NPSR1: variants seen among roughly 807,000 people sequenced by gnomAD.
The protein encoded by NPSR1 is neuropeptide S receptor.
In NPSR1, 48 loss-of-function variants were observed where a neutral mutation model predicts 46.9. The observed-to-expected ratio is 1.02, with a 90% CI of 0.81 to 1.30. NPSR1 has a LOEUF of 1.30. NPSR1 is among the 50% of genes most tolerant of loss of function. NPSR1 has a pLI of 0.00. For synonymous variants in NPSR1, 176 were observed against 168.1 expected (o/e 1.05, Z -0.36); for missense variants, 450 against 449.5 (o/e 1.00, Z -0.01).
chr7:34,845,438 G>T, intron 7 of NPSR1: 1 of 375,720 alleles, frequency 2.7e-6, no homozygotes, highest in Non-Finnish European at 5.2e-6. Flanking sequence ...CCTGTCTTCT[G>T]CCCTTTCCTT....
At chr7:34,681,292 G>A (rs1792620713) in intron 1 of NPSR1, among the ~76,000 whole-genome samples, 1 of 152,200 alleles carries the variant, frequency 6.6e-6, no homozygotes, top group African/African-American at 2.4e-5. Flanking sequence ...AGGGGCCATA[G>A]AAGATTGATG....
chr7:34,662,180 C>T (rs1377189235), intron 1 of NPSR1, among the ~76,000 whole-genome samples: 1 of 152,128 alleles, frequency 6.6e-6, no homozygotes, highest in Non-Finnish European at 1.5e-5. Flanking sequence ...TGCTAAATAT[C>T]ACCTAATAAC....
At chr7:34,819,795 A>G (rs935935162) in intron 4 of NPSR1, among the ~76,000 whole-genome samples, 4 of 152,208 alleles carry the variant, frequency 2.6e-5, no homozygotes, top group East Asian at 1.9e-4. Flanking sequence ...GCTAGAAACC[A>G]TCATTCTCAG....
intron 3 of NPSR1, among the ~76,000 whole-genome samples, chr7:34,790,318 A>G (rs968385353): frequency 1.3e-5 from 2 of 152,156 alleles, no homozygotes; most frequent in Non-Finnish European, 2.9e-5. Context: ...ACAAAATTCA[A>G]TATCTTTTTG....
chr7:34,827,971 A>G (rs1789941507), intron 5 of NPSR1, among the ~76,000 whole-genome samples: 1 of 152,250 alleles, frequency 6.6e-6, no homozygotes, highest in Non-Finnish European at 1.5e-5. Flanking sequence ...ATTGATATCC[A>G]GGTTTTTCTG....
At chr7:34,773,428 T>C (rs1413776882) in intron 2 of NPSR1, among the ~76,000 whole-genome samples, 2 of 152,116 alleles carry the variant, frequency 1.3e-5, no homozygotes, top group African/African-American at 4.8e-5. Context: ...GGATTTCCAT[T>C]CTTGTTTGGT....
chr7:34,679,641 A>C (rs1295224126), intron 1 of NPSR1, among the ~76,000 whole-genome samples: 1 of 152,164 alleles, frequency 6.6e-6, no homozygotes, highest in Non-Finnish European at 1.5e-5. Flanking sequence ...CGTTTCACTT[A>C]AAGTCACAGT....
At chr7:34,835,046 G>C (rs944321306) in intron 6 of NPSR1, among the ~76,000 whole-genome samples, 3 of 152,178 alleles carry the variant, frequency 2.0e-5, no homozygotes, top group Admixed American at 6.5e-5. Context: ...GTATGCAATA[G>C]ACTCTGAGCC....
chr7:34,682,558 T>C (rs1357539775), intron 1 of NPSR1, among the ~76,000 whole-genome samples: 3 of 152,174 alleles, frequency 2.0e-5, no homozygotes, highest in Non-Finnish European at 4.4e-5. Context: ...CAGTGTTTTT[T>C]AAGAGAGGTC....
chr7:34,743,379 T>A (rs1282070807), intron 2 of NPSR1, among the ~76,000 whole-genome samples: 5 of 152,166 alleles, frequency 3.3e-5, no homozygotes, highest in Non-Finnish European at 7.3e-5. Flanking sequence ...TTGCCAGTTA[T>A]CTCAGCACTA....
chr7:34,779,780 C>A (rs994404840), intron 3 of NPSR1: 1 of 276,376 alleles, frequency 3.6e-6, no homozygotes, highest in African/African-American at 2.2e-5. Flanking sequence ...CAATCAATTG[C>A]TGATACACAA....
At chr7:34,673,240 C>T (rs1792145891) in intron 1 of NPSR1, among the ~76,000 whole-genome samples, 3 of 152,134 alleles carry the variant, frequency 2.0e-5, no homozygotes, top group South Asian at 2.1e-4. Context: ...TACCTGCCTC[C>T]ACCATCAGAC....
chr7:34,849,772 G>A lies in NPSR1; in HGVS notation c.*117G>A. 6.5e-7 allele frequency: 1 copy of A among 1,529,048 alleles called. No individual in the cohort carries two copies. Among genetic ancestry groups the A allele is most frequent in the Non-Finnish European group, 8.8e-7 (1 of 1,140,664 alleles). 94.7% of individuals were successfully genotyped at this position (1,529,048 alleles called of 1,614,324 possible). A position where few individuals can be genotyped will look rare whatever the true frequency, so the allele number is the denominator to read the frequency against. On this transcript the variant is annotated 3_prime_UTR_variant, in exon 9 of 9. Transcript: ENST00000360581. ...CTTCACCCCACCCTCGTCATTACCT[G>A]GGAGATGCACAAGACAAATGTTCTA...
intron 2 of NPSR1, among the ~76,000 whole-genome samples, chr7:34,692,751 A>C (rs190160440): frequency 2.6e-5 from 4 of 152,328 alleles, no homozygotes; most frequent in Non-Finnish European, 5.9e-5. Context: ...AAGATACAAA[A>C]AGTCAACAAA....
chr7:34,714,761 C>A (rs1000344391), intron 2 of NPSR1, among the ~76,000 whole-genome samples: 5 of 152,188 alleles, frequency 3.3e-5, no homozygotes, highest in Non-Finnish European at 7.3e-5. Flanking sequence ...AGGGTCAGGG[C>A]TAGGTGGGTA....
chr7:34,842,390 G>A (rs1481101478), intron 6 of NPSR1, among the ~76,000 whole-genome samples: 1 of 152,144 alleles, frequency 6.6e-6, no homozygotes, highest in Admixed American at 6.5e-5. Context: ...ATTCTTTGTT[G>A]TGGAGGCTGC....
At chr7:34,771,959 C>A (rs1786704887) in intron 2 of NPSR1, among the ~76,000 whole-genome samples, 2 of 152,164 alleles carry the variant, frequency 1.3e-5, no homozygotes, top group African/African-American at 4.8e-5. Flanking sequence ...CTCTTTTAAA[C>A]CATGAAGTCT....
chr7:34,773,346 G>A (rs545414027), intron 2 of NPSR1, among the ~76,000 whole-genome samples: 2 of 152,252 alleles, frequency 1.3e-5, no homozygotes, highest in East Asian at 1.9e-4. Context: ...CAAACAGTAG[G>A]TTCTAGGATC....
At chr7:34,809,782 C>A (rs150520584) in intron 3 of NPSR1, among the ~76,000 whole-genome samples, 172 of 152,222 alleles carry the variant, frequency 1.1e-3, no homozygotes, top group South Asian at 7.1e-3. Context: ...AACCCTCCTC[C>A]CACCCTACAC....
Sources: gnomAD v4.1 joint callset for allele counts (sites outside exome capture counted in the v4.1 genomes callset) on GRCh38, gnomAD v4.1.1 for gene constraint, MANE v1.5 for transcripts, NCBI Gene and HGNC (gene_info 2026-07-23, HGNC 2026-07-21) for gene names.